APPBP2: variants seen among roughly 807,000 people sequenced by gnomAD.
The protein encoded by APPBP2 is amyloid protein-binding protein 2.
A neutral mutation model predicts 76.0 loss-of-function variants in APPBP2; 15 were observed. The ratio of observed to expected loss-of-function variants is 0.20; its 90% confidence interval spans 0.13 to 0.30. The LOEUF is 0.30. Ranked by LOEUF, APPBP2 falls within the 10% of genes least tolerant of loss-of-function variation. The pLI, the probability that APPBP2 is intolerant of heterozygous loss-of-function variation, is 1.00. For missense variants in APPBP2, 401 were observed against 687.2 expected (o/e 0.58, Z 4.66); for synonymous variants, 222 against 242.2 (o/e 0.92, Z 0.77).
chr17:60,469,144 G>A (rs540078372), intron 4 of APPBP2, among the ~76,000 whole-genome samples: 3 of 151,728 alleles, frequency 2.0e-5, no homozygotes. Flanking sequence ...TGGCCAACAC[G>A]ATCCCCGTCT....
chr17:60,500,283 A>G, intron 2 of APPBP2, 116 bp downstream of exon 2: 1 of 680,438 alleles, frequency 1.5e-6, no homozygotes, highest in East Asian at 2.9e-5. Context: ...CTGGGATTAC[A>G]GGCGTAAGCC....
At chr17:60,449,508 A>C (rs759234270) in intron 12 of APPBP2, among the ~76,000 whole-genome samples, 1 of 152,156 alleles carries the variant, frequency 6.6e-6, no homozygotes, top group Non-Finnish European at 1.5e-5. Flanking sequence ...AGGCAGGAGA[A>C]TCGCTTGAAC....
intron 4 of APPBP2, among the ~76,000 whole-genome samples, chr17:60,476,063 T>C (rs750269225): frequency 6.6e-6 from 1 of 152,208 alleles, no homozygotes; most frequent in Non-Finnish European, 1.5e-5. Flanking sequence ...TTCTTCCTCA[T>C]AGCTTTCTGT....
At chr17:60,491,691 C>T (rs922474760) in intron 3 of APPBP2, among the ~76,000 whole-genome samples, 2 of 152,126 alleles carry the variant, frequency 1.3e-5, no homozygotes, top group African/African-American at 4.8e-5. Context: ...AACAATCCAC[C>T]CACCTTGGCC....
chr17:60,481,568 T>C (rs1034741129), intron 3 of APPBP2, among the ~76,000 whole-genome samples: 1 of 152,230 alleles, frequency 6.6e-6, no homozygotes, highest in Non-Finnish European at 1.5e-5. Flanking sequence ...TGGTTCTTAG[T>C]TTGACAATCC....
chr17:60,474,165 C>T (rs2090572616), intron 4 of APPBP2, among the ~76,000 whole-genome samples: 1 of 151,244 alleles, frequency 6.6e-6, no homozygotes, highest in Admixed American at 6.6e-5. Context: ...TGTTAAATTT[C>T]ATTTTTTTTT....
At position 60,479,865 on chromosome 17, in the gene APPBP2, C is replaced by T. The variant is rs192482429; in HGVS notation, c.380-594G>A. On this transcript the variant is annotated intron_variant, in intron 3 of 12. Coordinates refer to ENST00000083182, the MANE Select transcript of APPBP2 (RefSeq NM_006380.5). Reference sequence around the variant, plus strand: ...GTATTGTGGTAACTACATAACTACACGAACTCACTCATTTAACTTTCACAA... The same window carrying T: ...GTATTGTGGTAACTACATAACTACATGAACTCACTCATTTAACTTTCACAA... 1.1e-4 allele frequency among the ~76,000 whole-genome samples: 16 copies of T among 152,248 alleles called. No homozygotes were observed. In the East Asian group the frequency reaches 2.9e-3, roughly 28 times the overall value.
intron 11 of APPBP2, among the ~76,000 whole-genome samples, chr17:60,453,166 TTTC>T (rs1265705913): frequency 6.6e-6 from 1 of 152,204 alleles, no homozygotes; most frequent in Non-Finnish European, 1.5e-5. Context: ...TAAAAAATTT[TTTC>T]TTATCTCAAG....
chr17:60,508,364 T>C (rs1188957333), intron 1 of APPBP2, among the ~76,000 whole-genome samples: 6 of 152,062 alleles, frequency 3.9e-5, no homozygotes, highest in African/African-American at 1.4e-4. Flanking sequence ...TCAACCCTTT[T>C]TCGGACACAG....
chr17:60,452,124 T>A, intron 11 of APPBP2, 79 bp from the exon 12 acceptor site: 1 of 1,383,954 alleles, frequency 7.2e-7, no homozygotes, highest in Non-Finnish European at 1.0e-6. Context: ...AAAACTGATC[T>A]AAATGCCAAA....
intron 11 of APPBP2, 62 bp downstream of exon 11, chr17:60,454,236 AATTT>A (rs991106031): frequency 2.5e-6 from 3 of 1,207,142 alleles, no homozygotes; most frequent in Non-Finnish European, 3.4e-6. Context: ...GCTTACTTAA[AATTT>A]ATTATTTCAG....
At chr17:60,523,334 A>T (rs935265655) in intron 1 of APPBP2, among the ~76,000 whole-genome samples, 5 of 144,450 alleles carry the variant, frequency 3.5e-5, no homozygotes, top group East Asian at 4.0e-4. Context: ...ACTAAAAATT[A>T]AAAAAAAAAA....
At chr17:60,524,909 G>T in intron 1 of APPBP2, among the ~76,000 whole-genome samples, 1 of 152,204 alleles carries the variant, frequency 6.6e-6, no homozygotes, top group East Asian at 1.9e-4. Flanking sequence ...ATTCAAATGT[G>T]GGGGAGAGAA....
chr17:60,479,069 ATATACT>A (rs1366707627), intron 4 of APPBP2, 73 bp downstream of exon 4: 26 of 1,389,110 alleles, frequency 1.9e-5, no homozygotes, highest in African/African-American at 2.9e-5. Flanking sequence ...AAATGTTGGC[ATATACT>A]TATAAGAGCT....
chr17:60,513,975 C>T (rs978769057), intron 1 of APPBP2, among the ~76,000 whole-genome samples: 2 of 141,336 alleles, frequency 1.4e-5, no homozygotes, highest in East Asian at 4.2e-4. Flanking sequence ...AATGCAAACA[C>T]ATATACATAT....
In APPBP2 at chr17:60,456,286, C is replaced by T. The variant is rs1460660126; in HGVS notation, c.1147+10G>A. The T allele has an allele frequency of 1.3e-6, 2 of 1,557,960 alleles. No individual in the cohort carries two copies. The highest frequency in any genetic ancestry group is 1.4e-5 in the African/African-American group (1 of 73,614). ...TTTTAAAATATCTGAGACTAGATTACAAAGGATACCTTTCACCCTCTTTGA... is the reference window on the plus strand; with the variant it reads ...TTTTAAAATATCTGAGACTAGATTATAAAGGATACCTTTCACCCTCTTTGA... On this transcript the variant is annotated intron_variant, in intron 10 of 12. Coordinates refer to ENST00000083182, the MANE Select transcript of APPBP2 (RefSeq NM_006380.5).
At chr17:60,447,967 T>A in intron 12 of APPBP2, 133 bp from the exon 13 acceptor site, 1 of 814,516 alleles carries the variant, frequency 1.2e-6, no homozygotes, top group Non-Finnish European at 1.9e-6. Flanking sequence ...GGAATAGATA[T>A]AATTCTTGTA....
intron 4 of APPBP2, among the ~76,000 whole-genome samples, chr17:60,469,769 C>T (rs1343500789): frequency 3.3e-5 from 5 of 152,154 alleles, no homozygotes; most frequent in African/African-American, 1.2e-4. Flanking sequence ...TTTTGTGTAT[C>T]TATTTATCTG....
chr17:60,522,702 G>A (rs533204460), intron 1 of APPBP2, among the ~76,000 whole-genome samples: 4 of 151,948 alleles, frequency 2.6e-5, no homozygotes, highest in East Asian at 1.9e-4. Context: ...ATTTATGCAC[G>A]GTGAAGGAGG....
Sources: gnomAD v4.1 joint callset for allele counts (sites outside exome capture counted in the v4.1 genomes callset) on GRCh38, gnomAD v4.1.1 for gene constraint, MANE v1.5 for transcripts, NCBI Gene and HGNC (gene_info 2026-07-23, HGNC 2026-07-21) for gene names.